The following ABCG2 variants were observed in gnomAD, a reference collection of about 807,000 sequenced individuals.
ABCG2 encodes ATP binding cassette subfamily G member 2 (JR blood group).
Under a neutral mutation model 73.5 loss-of-function variants are expected in ABCG2, and 80 were observed. The observed-to-expected ratio is 1.09, with a 90% CI of 0.91 to 1.31. The LOEUF (loss-of-function observed/expected upper bound fraction) is 1.31. ABCG2 is among the 50% of genes most tolerant of loss of function. The pLI is 0.00. For synonymous variants in ABCG2, 269 were observed against 282.4 expected (o/e 0.95, Z 0.48); for missense variants, 796 against 786.2 (o/e 1.01, Z -0.15).
At chr4:88,145,010 T>TGC (rs1725889892) in intron 1 of ABCG2, among the ~76,000 whole-genome samples, 1 of 150,996 alleles carries the variant, frequency 6.6e-6, no homozygotes, top group African/African-American at 2.4e-5. Context: ...GTCTTCAGCC[T>TGC]GCCACCTGCC....
intron 5 of ABCG2, among the ~76,000 whole-genome samples, chr4:88,128,608 C>G (rs921345410): frequency 2.6e-5 from 4 of 152,160 alleles, no homozygotes; most frequent in African/African-American, 9.7e-5. Flanking sequence ...AGAATGAGTT[C>G]ATGTCCTTTG....
intron 1 of ABCG2, among the ~76,000 whole-genome samples, chr4:88,178,824 G>A (rs1175914600): frequency 1.3e-5 from 2 of 152,132 alleles, no homozygotes; most frequent in Non-Finnish European, 2.9e-5. Flanking sequence ...GTGGAAATGA[G>A]AGGGAAGTGC....
At chr4:88,142,273 T>A (rs1725698901) in intron 1 of ABCG2, among the ~76,000 whole-genome samples, 2 of 151,872 alleles carry the variant, frequency 1.3e-5, no homozygotes, top group African/African-American at 4.8e-5. Flanking sequence ...TTTCCAAAAC[T>A]GACAAAGGTA....
At chr4:88,191,982 G>T (rs1560747814) in intron 1 of ABCG2, among the ~76,000 whole-genome samples, 1 of 152,004 alleles carries the variant, frequency 6.6e-6, no homozygotes, top group Admixed American at 6.6e-5. Context: ...ACCAGCCTGG[G>T]CAACGTGGCA....
chr4:88,216,508 T>C (rs1185860889), intron 1 of ABCG2, among the ~76,000 whole-genome samples: 3 of 152,190 alleles, frequency 2.0e-5, no homozygotes, highest in African/African-American at 7.2e-5. Flanking sequence ...GGAAGGAAGC[T>C]ACGTGTGAGC....
chr4:88,210,638 G>A (rs1163313925), intron 1 of ABCG2, among the ~76,000 whole-genome samples: 1 of 150,558 alleles, frequency 6.6e-6, no homozygotes, highest in Non-Finnish European at 1.5e-5. Flanking sequence ...TGTTGCCCAG[G>A]CTGGAGTGCA....
chr4:88,225,445 A>G (rs1385419469), intron 1 of ABCG2, among the ~76,000 whole-genome samples: 1 of 151,568 alleles, frequency 6.6e-6, no homozygotes, highest in Non-Finnish European at 1.5e-5. Context: ...AGAGTGAAGC[A>G]TGATGAGGTT....
intron 2 of ABCG2, among the ~76,000 whole-genome samples, chr4:88,134,840 A>AT (rs1725134324): frequency 6.6e-6 from 1 of 152,164 alleles, no homozygotes; most frequent in Non-Finnish European, 1.5e-5. Context: ...ACTCAACACA[A>AT]TGATCAAGTA....
intron 1 of ABCG2, among the ~76,000 whole-genome samples, chr4:88,217,305 G>A (rs1417895663): frequency 6.6e-6 from 1 of 152,116 alleles, no homozygotes; most frequent in African/African-American, 2.4e-5. Context: ...TGCAAGGTTG[G>A]GATGTTGTCC....
intron 1 of ABCG2, among the ~76,000 whole-genome samples, chr4:88,227,190 C>T (rs1394902623): frequency 6.6e-6 from 1 of 152,076 alleles, no homozygotes; most frequent in Non-Finnish European, 1.5e-5. Context: ...GTCAGCAGTT[C>T]GAGACCAGCC....
chr4:88,218,637 G>A (rs1004402106), intron 1 of ABCG2, among the ~76,000 whole-genome samples: 2 of 152,008 alleles, frequency 1.3e-5, no homozygotes, highest in African/African-American at 4.8e-5. Context: ...CCACTGTTAA[G>A]CCTTTGCATA....
chr4:88,166,352 A>G (rs1411104244), intron 1 of ABCG2, among the ~76,000 whole-genome samples: 3 of 152,122 alleles, frequency 2.0e-5, no homozygotes, highest in African/African-American at 4.8e-5. Flanking sequence ...TCTTTCCACA[A>G]AAGTATATTT....
At chr4:88,230,308 T>TATATATATATATATATATATA (rs746680651) in intron 1 of ABCG2, among the ~76,000 whole-genome samples, 1,223 of 95,960 alleles carry the variant, frequency 0.013, 111 homozygotes, top group African/African-American at 0.027. Context: ...TATATATATA[T>TATATATATATATATATATATA]TTTTTTTTTT....
At chr4:88,226,149 G>T (rs979429150) in intron 1 of ABCG2, among the ~76,000 whole-genome samples, 7 of 152,154 alleles carry the variant, frequency 4.6e-5, no homozygotes, top group Non-Finnish European at 1.0e-4. Context: ...TATTCAAACA[G>T]GTTTCTGCCT....
chr4:88,096,229 G>C (rs530334098), intron 13 of ABCG2, among the ~76,000 whole-genome samples: 1 of 152,202 alleles, frequency 6.6e-6, no homozygotes, highest in South Asian at 2.1e-4. Context: ...AAGCAATAGC[G>C]CAATGGAGAT....
Position 88,091,547 on chromosome 4 carries a change from T to C in ABCG2, c.*687A>G, listed in dbSNP as rs1721646292. Reference sequence around the variant, plus strand: ...AACCACTGAACTACCCCAAGAAGGTTACGTGACCTCCCAGAGCTAGAATGT... The same window carrying C: ...AACCACTGAACTACCCCAAGAAGGTCACGTGACCTCCCAGAGCTAGAATGT... On this transcript the variant is annotated 3_prime_UTR_variant, in exon 16 of 16. Transcript: ENST00000237612. 1 of 152,114 alleles carries C rather than the reference T, an allele frequency of 6.6e-6. No individual in the cohort carries two copies. Among genetic ancestry groups the C allele is most frequent in the Non-Finnish European group, 1.5e-5 (1 of 68,034 alleles). The allele number at this position is 152,114 out of a possible 1,614,324, so 9.4% of individuals were successfully genotyped here. A position where few individuals can be genotyped will look rare whatever the true frequency, so the allele number is the denominator to read the frequency against.
In ABCG2 at chr4:88,115,077, C is replaced by G. The variant is rs1474399817; in HGVS notation, c.842-19G>C. On this transcript the variant is annotated intron_variant, in intron 7 of 15. Transcript: ENST00000237612. ...TGATAACCTATGAAAGAAGGCAGCT[C>G]AAAAACACAAACTTGATGGTCTTGG... 17 of 1,537,242 alleles carry G rather than the reference C, an allele frequency of 1.1e-5. No individual in the cohort carries two copies. Among genetic ancestry groups the G allele is most frequent in the Middle Eastern group, 1.7e-4 (1 of 5,900 alleles).
chr4:88,101,420 T>A, intron 10 of ABCG2, 101 bp from the exon 11 acceptor site: 13 of 1,080,658 alleles, frequency 1.2e-5, no homozygotes, highest in Middle Eastern at 2.0e-4. Context: ...TGTATAAAGT[T>A]AAGCAGGAAA....
At position 88,184,851 on chromosome 4, in the gene ABCG2, A is replaced by G. The variant is rs147885673; in HGVS notation, c.-19-44837T>C. The stretch of plus-strand genomic sequence containing the variant: ...TGGCAAGGTACTGACATAAAAACAC[A>G]TAGACCAATGGAACAGAATAGAGAA... On this transcript the variant is annotated intron_variant, in intron 1 of 15. Coordinates refer to the ABCG2 transcript ENST00000515655. Among the ~76,000 whole-genome samples, 705 of 152,332 alleles carry G rather than the reference A, an allele frequency of 4.6e-3. 2 individuals carry two copies. The highest frequency in any genetic ancestry group is 8.1e-3 in the Admixed American group (124 of 15,294).
Sources: allele counts gnomAD v4.1 joint callset (sites outside exome capture counted in the v4.1 genomes callset), GRCh38; gene constraint gnomAD v4.1.1; transcripts MANE v1.5; gene names NCBI Gene and HGNC (gene_info 2026-07-23, HGNC 2026-07-21).